ZIM2: variants seen among roughly 807,000 people sequenced by gnomAD.
The protein encoded by ZIM2 is zinc finger imprinted 2, also known as zinc finger protein 656.
A neutral mutation model predicts 38.6 loss-of-function variants in ZIM2; 14 were observed. The ratio of observed to expected loss-of-function variants is 0.36; its 90% CI spans 0.24 to 0.57. The LOEUF is 0.57. Among genes scored for constraint, ZIM2 ranks in the 20% least tolerant of loss-of-function variants. ZIM2 has a pLI of 0.81. For missense variants in ZIM2, 680 were observed against 695.1 expected (o/e 0.98, Z 0.24); for synonymous variants, 247 against 245.8 (o/e 1.00, Z -0.04).
At chr19:56,815,277 T>G in intron 9 of ZIM2, 2 of 1,614,252 alleles carry the variant, frequency 1.2e-6, no homozygotes. Flanking sequence ...GAGACTTCTC[T>G]TGGTCATAGA....
rs2045937531 is a variant in ZIM2, at chr19:56,775,201, T to C, written c.1164A>G (p.Glu388=). 2 of 1,614,182 alleles carry C rather than the reference T, an allele frequency of 1.2e-6. No homozygotes were observed. Among genetic ancestry groups the C allele is most frequent in the Admixed American group, 3.3e-5 (2 of 60,020 alleles). ...ERIHTGKKPY[E]CKQCAEAFYL... Reference sequence around the variant, plus strand: ...AGAAGGCTTCAGCACACTGTTTACATTCATAGGGTTTCTTCCCAGTATGGA... The same window carrying C: ...AGAAGGCTTCAGCACACTGTTTACACTCATAGGGTTTCTTCCCAGTATGGA... Residue 388 remains glutamate (E), a synonymous_variant, in exon 13 of 13, where the codon GAA becomes GAG. Coordinates refer to ENST00000629319, the MANE Select transcript of ZIM2 (RefSeq NM_001387356.1).
intron 9 of ZIM2, among the ~76,000 whole-genome samples, chr19:56,801,361 A>G (rs926012014): frequency 6.6e-6 from 1 of 151,886 alleles, no homozygotes; most frequent in South Asian, 2.1e-4. Flanking sequence ...CTCCTTACCA[A>G]TCCCCTTCAG....
In ZIM2 at chr19:56,782,110, G is replaced by T. The variant is rs1222297814; in HGVS notation, c.582C>A (p.Phe194Leu). 7 of 1,613,748 alleles carry T rather than the reference G, an allele frequency of 4.3e-6. No individual in the cohort carries two copies. The East Asian group carries it at 1.3e-4, about 31-fold the overall frequency. The part of the protein sequence containing the change: ...LPSAGSQFPD[F>L]KHLGTFLVFE... ...ACACCAGAAATGTTCCTAAGTGTTT[G>T]AAGTCCGGGAACTATCCCAGAGAGA... Residue 194 changes from phenylalanine to leucine, a missense_variant, in exon 11 of 13, where the codon TTC becomes TTA. By Grantham distance (22) the Phe-to-Leu change is conservative (BLOSUM62 0). Transcript: ENST00000629319.
intron 9 of ZIM2, chr19:56,816,447 G>C: frequency 6.2e-7 from 1 of 1,614,010 alleles, no homozygotes; most frequent in Non-Finnish European, 8.5e-7. Flanking sequence ...CAGGAATAAA[G>C]GTTTCCTCAC....
chr19:56,782,611 T>C, intron 10 of ZIM2: 1 of 341,752 alleles, frequency 2.9e-6, no homozygotes. Context: ...GAGTGAAAAT[T>C]AAGAAGTGGG....
chr19:56,824,378 T>C lies in ZIM2; in HGVS notation c.-101A>G. 1.9e-6 allele frequency: 3 copies of C among 1,614,194 alleles called. No homozygotes were observed. The highest frequency in any genetic ancestry group is 1.3e-5 in the African/African-American group (1 of 75,050). On this transcript the variant is annotated 5_prime_UTR_variant, in exon 4 of 13. Coordinates refer to ENST00000629319, the MANE Select transcript of ZIM2 (RefSeq NM_001387356.1). The stretch of plus-strand genomic sequence containing the variant: ...CTTTTCAGGGATGATGGTCAGGTAC[T>C]GCTCAAGGACCAAGAGCTCGATGAT...
intron 2 of ZIM2, among the ~76,000 whole-genome samples, chr19:56,831,239 C>T (rs1332244734): frequency 6.6e-6 from 1 of 152,130 alleles, no homozygotes; most frequent in Non-Finnish European, 1.5e-5. Context: ...ACCACTGGGA[C>T]ATAACAGAGT....
chr19:56,824,891 A>G, intron 3 of ZIM2: 1 of 494,160 alleles, frequency 2.0e-6, no homozygotes. Flanking sequence ...GCCTCAGCAC[A>G]GCAGTTACAA....
intron 1 of ZIM2, among the ~76,000 whole-genome samples, chr19:56,839,965 G>A (rs2062796598): frequency 6.6e-6 from 1 of 152,236 alleles, no homozygotes; most frequent in Non-Finnish European, 1.5e-5. Flanking sequence ...GAGAGGGCGG[G>A]GAAAGAAAAC....
chr19:56,833,013 G>T (rs970825958), intron 2 of ZIM2: 2 of 355,472 alleles, frequency 5.6e-6, no homozygotes, highest in African/African-American at 2.1e-5. Context: ...ATCCTTGCCA[G>T]AAGTCAGGGA....
rs1420437175 is a variant in ZIM2, at chr19:56,789,857, G to T, written c.570+15C>A. Reference sequence around the variant, plus strand: ...CCCATATTTGATAACCATGTCAGAGGAAAGCCTGACTCACCTGGGACCCAG... The same window carrying T: ...CCCATATTTGATAACCATGTCAGAGTAAAGCCTGACTCACCTGGGACCCAG... On this transcript the variant is annotated intron_variant, in intron 10 of 12. Transcript: ENST00000629319. 1.3e-6 allele frequency: 2 copies of T among 1,539,820 alleles called. No individual in the cohort carries two copies. The highest frequency in any genetic ancestry group is 1.8e-6 in the Non-Finnish European group (2 of 1,130,572).
chr19:56,782,727 A>T (rs1250200205), intron 10 of ZIM2, among the ~76,000 whole-genome samples: 4 of 152,066 alleles, frequency 2.6e-5, no homozygotes, highest in African/African-American at 9.7e-5. Flanking sequence ...ATTTTTAAAA[A>T]TTTTTGTGGG....
intron 9 of ZIM2, among the ~76,000 whole-genome samples, chr19:56,804,101 T>A (rs1008294853): frequency 6.6e-6 from 1 of 152,200 alleles, no homozygotes. Flanking sequence ...TAACCCCTGA[T>A]ACCCACCCCA....
intron 9 of ZIM2, chr19:56,810,981 TA>T: frequency 1.0e-6 from 1 of 972,898 alleles, no homozygotes; most frequent in Non-Finnish European, 1.2e-6. Context: ...TCCACAAAGG[TA>T]ATGTAACAGC....
chr19:56,792,379 A>C (rs2046978177), intron 9 of ZIM2, among the ~76,000 whole-genome samples: 1 of 151,544 alleles, frequency 6.6e-6, no homozygotes, highest in South Asian at 2.1e-4. Flanking sequence ...AAAAATACAA[A>C]AATTAGCCAG....
intron 9 of ZIM2, among the ~76,000 whole-genome samples, chr19:56,809,855 G>A (rs1328188674): frequency 6.6e-6 from 1 of 151,990 alleles, no homozygotes; most frequent in Non-Finnish European, 1.5e-5. Context: ...AAAATTGTTG[G>A]AACATATGTT....
chr19:56,823,629 T>C lies in ZIM2; in HGVS notation c.67A>G (p.Arg23Gly). 1.2e-6 allele frequency: 2 copies of C among 1,614,182 alleles called. No individual in the cohort carries two copies. The highest frequency in any genetic ancestry group is 1.6e-4 in the Middle Eastern group (1 of 6,062). Residue 23 changes from arginine to glycine, a missense_variant, in exon 5 of 13, where the codon AGA (arginine) becomes GGA (glycine). By Grantham distance (125) the Arg-to-Gly change is moderately radical (BLOSUM62 -2). Transcript: ENST00000629319. ...ACTGAGTGAGGTGGTGAGGACTCTC[T>C]TCTGTTCCGGGTCATGTCGTCGTCG... ...TSDDDMTRNR[R>G]ESSPPHSVHS... is the part of the protein sequence containing the mutation.
At chr19:56,837,651 T>C (rs564035964) in intron 1 of ZIM2, among the ~76,000 whole-genome samples, 1 of 152,316 alleles carries the variant, frequency 6.6e-6, no homozygotes, top group African/African-American at 2.4e-5. Context: ...GGCACGCCAG[T>C]GCAGCCCGCG....
rs766705260 is a variant in ZIM2 at position 56,775,036 on chromosome 19, A to C, written c.1329T>G (p.Phe443Leu). Residue 443 changes from phenylalanine to leucine, a missense_variant, in exon 13 of 13, where the codon TTT (phenylalanine) becomes TTG (leucine). Transcript: ENST00000629319. The part of the protein sequence containing the change: ...RVRIHSQEDY[F>L]ECFQCGKAFL... ...AAGCTTTGCCGCACTGAAAACATTCAAAGTAGTCCTCCTGACTGTGAATTC... is the reference window on the plus strand; with the variant it reads ...AAGCTTTGCCGCACTGAAAACATTCCAAGTAGTCCTCCTGACTGTGAATTC... 3 of 1,614,166 alleles carry C rather than the reference A, an allele frequency of 1.9e-6. No homozygotes were observed. In the Admixed American group the frequency reaches 5.0e-5, roughly 27 times the overall value.
Sources: allele counts gnomAD v4.1 joint callset (sites outside exome capture counted in the v4.1 genomes callset), GRCh38; gene constraint gnomAD v4.1.1; transcripts MANE v1.5; gene names NCBI Gene and HGNC (gene_info 2026-07-23, HGNC 2026-07-21).